DIS3L: variants seen among roughly 807,000 people sequenced by gnomAD.
DIS3L encodes the protein DIS3 like exosome 3'-5' exoribonuclease, also known as DIS3-like exonuclease 1.
Under a neutral mutation model 120.3 loss-of-function variants are expected in DIS3L, and 100 were observed. The ratio of observed to expected loss-of-function variants is 0.83; its 90% confidence interval spans 0.71 to 0.98. The LOEUF is 0.98. Among genes scored for constraint, DIS3L ranks in the 50% least tolerant of loss-of-function variants. The pLI is 0.00. For missense variants in DIS3L, 1,196 were observed against 1,314.2 expected, an observed-to-expected ratio of 0.91 and a Z score of 1.39; for synonymous variants, 426 against 470.6, an observed-to-expected ratio of 0.91 and a Z score of 1.23.
Position 66,322,996 on chromosome 15 carries a change from A to T in DIS3L, c.1574+62A>T, listed in dbSNP as rs573869213. On this transcript the variant is annotated intron_variant, in intron 10 of 16. Coordinates refer to ENST00000319212, the MANE Select transcript of DIS3L (RefSeq NM_001143688.3). ...ATGTGACTGGATATTTTGTGTCTGT[A>T]CTAGTTTCAGGTGTTCAAAGATCTC... The T allele has an allele frequency of 5.7e-6, 9 of 1,586,798 alleles. No individual in the cohort carries two copies. The African/African-American group carries it at 1.1e-4, about 19-fold the overall frequency.
At chr15:66,307,321 G>A (rs1356626486) in intron 3 of DIS3L, among the ~76,000 whole-genome samples, 1 of 151,620 alleles carries the variant, frequency 6.6e-6, no homozygotes, top group Non-Finnish European at 1.5e-5. Flanking sequence ...TTGAGACAGG[G>A]TTTTTTGCTC....
At chr15:66,323,008 T>C in intron 10 of DIS3L, 74 bp downstream of exon 10, 4 of 1,553,986 alleles carry the variant, frequency 2.6e-6, no homozygotes, top group Non-Finnish European at 3.5e-6. Flanking sequence ...TAGTTTCAGG[T>C]GTTCAAAGAT....
chr15:66,329,240 T>C lies in DIS3L; in HGVS notation c.2376T>C (p.Tyr792=). 6.2e-7 allele frequency: 1 copy of C among 1,603,920 alleles called. No individual in the cohort carries two copies. The highest frequency in any genetic ancestry group is 1.7e-4 in the Middle Eastern group (1 of 6,026). ...TTGAAGGTCTTGCATTAGATAAATA[T>C]ACCCACTTTACTTCTCCAATAAGAA... ...FHHYGLALDK[Y]THFTSPIRRY... The change falls in exon 14 of 17, where the codon TAT becomes TAC. Residue 792 remains tyrosine (Y), a synonymous_variant. Coordinates refer to ENST00000319212, the MANE Select transcript of DIS3L (RefSeq NM_001143688.3).
chr15:66,332,208 G>T (rs909213018), intron 15 of DIS3L, among the ~76,000 whole-genome samples, 188 bp downstream of exon 15: 1 of 152,152 alleles, frequency 6.6e-6, no homozygotes, highest in Non-Finnish European at 1.5e-5. Context: ...TATAATCCCA[G>T]CACTTTGGGA....
chr15:66,317,472 G>A (rs1424585806), intron 7 of DIS3L, among the ~76,000 whole-genome samples: 1 of 152,048 alleles, frequency 6.6e-6, no homozygotes, highest in East Asian at 1.9e-4. Flanking sequence ...TGTGTATAAT[G>A]GACCAAATAA....
intron 2 of DIS3L, among the ~76,000 whole-genome samples, chr15:66,303,995 C>T (rs1371966599): frequency 7.0e-6 from 1 of 142,524 alleles, no homozygotes; most frequent in Non-Finnish European, 1.5e-5. Context: ...GAGGCTGAGG[C>T]AGGAGAATGG....
At chr15:66,314,234 A>G (rs564623512) in intron 6 of DIS3L, 117 bp downstream of exon 6, 79 of 740,170 alleles carry the variant, frequency 1.1e-4, no homozygotes, top group South Asian at 5.2e-4. Flanking sequence ...ATGCCTACAT[A>G]CATTGGGTAT....
chr15:66,331,586 G>A lies in DIS3L; in HGVS notation c.2536-289G>A, dbSNP rs2092998805. ...AAAAAAAGAAATGCAAGTAAGACAT[G>A]TGTAATACTTTTCCTGTACCCAAGG... On this transcript the variant is annotated intron_variant, in intron 14 of 16. Transcript: ENST00000319212. 5 of 209,570 alleles carry A rather than the reference G, an allele frequency of 2.4e-5. No homozygotes were observed. In the South Asian group the frequency reaches 4.9e-4, roughly 20 times the overall value. 13.0% of individuals were successfully genotyped at this position (209,570 alleles called of 1,614,324 possible).
upstream of DIS3L, chr15:66,293,473 C>A (rs1345144494): frequency 3.3e-6 from 4 of 1,228,514 alleles, no homozygotes; most frequent in Non-Finnish European, 4.0e-6. Flanking sequence ...CTCCGGGCCT[C>A]CCCCGGGCGC....
intron 11 of DIS3L, among the ~76,000 whole-genome samples, chr15:66,325,121 C>T (rs1335440394): frequency 6.6e-6 from 1 of 152,100 alleles, no homozygotes; most frequent in African/African-American, 2.4e-5. Context: ...TGGCCGGGCA[C>T]GGTGGCTCAC....
intron 2 of DIS3L, among the ~76,000 whole-genome samples, chr15:66,304,920 G>A (rs141543546): frequency 2.7e-5 from 4 of 147,474 alleles, no homozygotes; most frequent in African/African-American, 1.0e-4. Flanking sequence ...AAAAAAAAAG[G>A]ATATTTTATA....
chr15:66,312,025 A>G, intron 5 of DIS3L, 125 bp downstream of exon 5: 1 of 1,103,622 alleles, frequency 9.1e-7, no homozygotes, highest in Admixed American at 2.8e-5. Flanking sequence ...TGGGCAACAT[A>G]GTGAAACCCT....
At chr15:66,316,100 C>T (rs376983053) in intron 7 of DIS3L, among the ~76,000 whole-genome samples, 7 of 152,274 alleles carry the variant, frequency 4.6e-5, no homozygotes, top group Admixed American at 2.0e-4. Context: ...ATTTTAATCT[C>T]TGGCCCTTCC....
At chr15:66,332,200 T>G (rs1187744034) in intron 15 of DIS3L, among the ~76,000 whole-genome samples, 180 bp downstream of exon 15, 1 of 152,240 alleles carries the variant, frequency 6.6e-6, no homozygotes, top group Non-Finnish European at 1.5e-5. Context: ...CTCACGCCTA[T>G]AATCCCAGCA....
At chr15:66,321,962 GTC>G (rs1316349155) in intron 9 of DIS3L, among the ~76,000 whole-genome samples, 16 of 152,136 alleles carry the variant, frequency 1.1e-4, no homozygotes, top group African/African-American at 3.4e-4. Context: ...CATAAGGAGT[GTC>G]TGGGTGTTCT....
At chr15:66,318,721 T>C (rs2092848284) in intron 8 of DIS3L, 103 bp downstream of exon 8, 2 of 1,230,790 alleles carry the variant, frequency 1.6e-6, no homozygotes, top group African/African-American at 3.1e-5. Flanking sequence ...CCTTTGCATA[T>C]AAAGAAATAA....
intron 2 of DIS3L, among the ~76,000 whole-genome samples, chr15:66,302,989 G>T (rs934281661): frequency 1.3e-5 from 2 of 151,888 alleles, no homozygotes. Context: ...CCCCTCCTTG[G>T]CCCCTATTCT....
chr15:66,306,657 G>C (rs1392151819), intron 2 of DIS3L, 167 bp from the exon 3 acceptor site: 37 of 889,662 alleles, frequency 4.2e-5, no homozygotes, highest in Non-Finnish European at 5.6e-5. Context: ...AACAATAGCA[G>C]CCCGATAGGA....
Position 66,308,612 on chromosome 15 carries a change from T to C in DIS3L, c.423-97T>C, listed in dbSNP as rs1057132654. ...TGTTGAACGAATGAATGGTTATCTA[T>C]ATAGTCCAAAGGATAGCAAAAGCCA... On this transcript the variant is annotated intron_variant, in intron 3 of 16. Coordinates refer to ENST00000319212, the MANE Select transcript of DIS3L (RefSeq NM_001143688.3). 7 of 1,451,764 alleles carry C rather than the reference T, an allele frequency of 4.8e-6. No homozygotes were observed. In the African/African-American group the frequency reaches 7.0e-5, roughly 15 times the overall value. 89.9% of individuals were successfully genotyped at this position (1,451,764 alleles called of 1,614,324 possible).
Sources: allele counts gnomAD v4.1 joint callset (sites outside exome capture counted in the v4.1 genomes callset), GRCh38; gene constraint gnomAD v4.1.1; transcripts MANE v1.5; gene names NCBI Gene and HGNC (gene_info 2026-07-23, HGNC 2026-07-21).